Variants in EDA observed in about 807,000 individuals in gnomAD.
EDA encodes the protein ectodysplasin-A.
In EDA, 2 loss-of-function variants were observed where a neutral mutation model predicts 23.6. The observed-to-expected ratio is 0.08, with a 90% CI of 0.03 to 0.27. The LOEUF (loss-of-function observed/expected upper bound fraction) is 0.27. Ranked by LOEUF, EDA falls within the 10% of genes least tolerant of loss-of-function variation. EDA has a pLI of 1.00. For synonymous variants in EDA, 131 were observed against 132.0 expected (o/e 0.99, Z 0.05); for missense variants, 229 against 324.2 (o/e 0.71, Z 2.26).
At chrX:69,729,764 C>A (rs558473810) in intron 1 of EDA, among the ~76,000 whole-genome samples, 2 of 111,561 alleles carry the variant, frequency 1.8e-5, no homozygotes, top group African/African-American at 6.5e-5. Flanking sequence ...CAAGCATTTT[C>A]TAGACTTGGG....
chrX:69,836,856 G>A (rs999430173), intron 1 of EDA, among the ~76,000 whole-genome samples: 3 of 111,593 alleles, frequency 2.7e-5, no homozygotes, highest in East Asian at 5.7e-4. Flanking sequence ...TTCCTATTTG[G>A]CCATCTTGGA....
chrX:69,699,511 T>C (rs1191485056), intron 1 of EDA, among the ~76,000 whole-genome samples: 4 of 111,230 alleles, frequency 3.6e-5, no homozygotes, highest in Non-Finnish European at 7.5e-5. Context: ...TTTGATGTTA[T>C]GGGTTGAATA....
chrX:69,800,127 T>C (rs940353244), intron 1 of EDA, among the ~76,000 whole-genome samples: 12 of 111,468 alleles, frequency 1.1e-4, no homozygotes, highest in African/African-American at 3.9e-4. Context: ...GAAAGACAAA[T>C]ACTGCACATT....
intron 1 of EDA, among the ~76,000 whole-genome samples, chrX:69,733,514 A>G (rs1399159366): frequency 1.8e-5 from 2 of 111,918 alleles, no homozygotes; most frequent in Non-Finnish European, 3.8e-5. Flanking sequence ...GCCTTGTAGT[A>G]TAGTTTGAAG....
intron 1 of EDA, among the ~76,000 whole-genome samples, chrX:69,778,676 CTCTCTA>C (rs2014856712): frequency 2.7e-5 from 3 of 111,520 alleles, no homozygotes; most frequent in Admixed American, 1.9e-4. Flanking sequence ...AGAGGTCTGG[CTCTCTA>C]TCTCCTTTAT....
At position 70,036,769 on chromosome X, in the gene EDA, G is replaced by A. The variant is rs1467452496; in HGVS notation, c.*1160G>A. ...CTAGAAAGGGCAAGGGGTGAGGATA[G>A]GACAGAGGGATTTTGTTCAAGTTTG... On this transcript the variant is annotated 3_prime_UTR_variant, in exon 8 of 8. Transcript: ENST00000374552. 8.9e-6 allele frequency: 1 copy of A among 112,678 alleles called. No homozygotes were observed. The highest frequency in any genetic ancestry group is 2.8e-4 in the East Asian group (1 of 3,567). The allele number at this position is 112,678 out of a possible 1,213,427, so 9.3% of individuals were successfully genotyped here.
intron 1 of EDA, among the ~76,000 whole-genome samples, chrX:69,866,182 G>C (rs1205129658): frequency 9.0e-6 from 1 of 111,352 alleles, no homozygotes. Flanking sequence ...GTCCTGCCTG[G>C]ATTGGGCTGT....
chrX:69,636,061 T>C (rs940874606), intron 1 of EDA, among the ~76,000 whole-genome samples: 1 of 111,024 alleles, frequency 9.0e-6, no homozygotes, highest in African/African-American at 3.3e-5. Flanking sequence ...CACTGTACTC[T>C]ACTGATATAG....
intron 1 of EDA, among the ~76,000 whole-genome samples, chrX:69,873,348 A>G (rs1024437951): frequency 1.8e-5 from 2 of 112,089 alleles, no homozygotes; most frequent in African/African-American, 6.5e-5. Flanking sequence ...CTGGAGAAAC[A>G]AGAACAATCC....
At chrX:69,632,910 T>G (rs2147219954) in intron 1 of EDA, among the ~76,000 whole-genome samples, 1 of 111,969 alleles carries the variant, frequency 8.9e-6, no homozygotes, top group Admixed American at 9.5e-5. Flanking sequence ...TCTCTCAAAC[T>G]TCTTTTTTTC....
rs1569408753 is a variant in EDA at position 70,038,764 on chromosome X, T to C, written c.*3155T>C. 8.9e-6 allele frequency: 1 copy of C among 112,193 alleles called. No individual in the cohort carries two copies. The highest frequency in any genetic ancestry group is 1.9e-5 in the Non-Finnish European group (1 of 53,169). 9.2% of individuals were successfully genotyped at this position (112,193 alleles called of 1,213,427 possible). ...GTAACTTCCTGTGGATGCAAATAGA[T>C]TCAGAGAAATTTAGAGCTAAAAAGG... On this transcript the variant is annotated 3_prime_UTR_variant, in exon 8 of 8. Coordinates refer to ENST00000374552, the MANE Select transcript of EDA (RefSeq NM_001399.5).
In EDA at chrX:69,978,341, A is replaced by G. The variant is rs994613478; in HGVS notation, c.502+21209A>G. 1.2e-3 allele frequency among the ~76,000 whole-genome samples: 104 copies of G among 84,704 alleles called. 1 individual carries two copies. Among genetic ancestry groups the G allele is most frequent in the African/African-American group, 4.8e-3 (101 of 21,139 alleles). 73.6% of individuals were successfully genotyped at this position (84,704 alleles called of 115,157 possible). A position where few individuals can be genotyped will look rare whatever the true frequency, so the allele number is the denominator to read the frequency against. On this transcript the variant is annotated intron_variant, in intron 2 of 7. Coordinates refer to ENST00000374552, the MANE Select transcript of EDA (RefSeq NM_001399.5). ...TCTAAAAAAAAAAAAAAAAAAAAAA[A>G]AAAAAAAAAAAATTAGCTGGGTGTG...
intron 1 of EDA, among the ~76,000 whole-genome samples, chrX:69,876,014 G>A (rs1358758817): frequency 8.9e-6 from 1 of 111,909 alleles, no homozygotes; most frequent in Non-Finnish European, 1.9e-5. Flanking sequence ...ATGGTGAAAA[G>A]GGAACACTTT....
intron 1 of EDA, among the ~76,000 whole-genome samples, chrX:69,638,567 T>C (rs1932803552): frequency 8.9e-6 from 1 of 112,064 alleles, no homozygotes; most frequent in African/African-American, 3.2e-5. Flanking sequence ...TCAAATAGCA[T>C]TGTGATGATG....
At chrX:70,014,619 A>T (rs1322486898) in intron 2 of EDA, among the ~76,000 whole-genome samples, 1 of 112,333 alleles carries the variant, frequency 8.9e-6, no homozygotes, top group African/African-American at 3.2e-5. Context: ...AATTCAGAAT[A>T]AGATTCAGGA....
intron 1 of EDA, among the ~76,000 whole-genome samples, chrX:69,638,598 T>C (rs764354025): frequency 2.7e-5 from 3 of 111,839 alleles, no homozygotes; most frequent in Non-Finnish European, 5.6e-5. Context: ...TGAATGCTTT[T>C]TATGGCTTCA....
chrX:69,810,504 C>A (rs1225177286), intron 1 of EDA, among the ~76,000 whole-genome samples: 1 of 106,747 alleles, frequency 9.4e-6, no homozygotes, highest in Non-Finnish European at 1.9e-5. Context: ...CACCTGTAAT[C>A]CCAGCACTTT....
chrX:69,706,717 A>G (rs1201454827), intron 1 of EDA, among the ~76,000 whole-genome samples: 1 of 112,026 alleles, frequency 8.9e-6, no homozygotes, highest in Non-Finnish European at 1.9e-5. Flanking sequence ...AATAGAAAGG[A>G]ATGTCTATGT....
chrX:70,028,231 T>G (rs753013594), intron 4 of EDA, among the ~76,000 whole-genome samples, 195 bp downstream of exon 4: 1 of 111,453 alleles, frequency 9.0e-6, no homozygotes, highest in Non-Finnish European at 1.9e-5. Context: ...GCTTCTTATA[T>G]CTACCAAACT....
Sources: gnomAD v4.1 joint callset for allele counts (sites outside exome capture counted in the v4.1 genomes callset) on GRCh38, gnomAD v4.1.1 for gene constraint, MANE v1.5 for transcripts, NCBI Gene and HGNC (gene_info 2026-07-23, HGNC 2026-07-21) for gene names.